ASXL2: variants seen among roughly 807,000 people sequenced by gnomAD.
ASXL2 encodes ASXL transcriptional regulator 2, also known as putative Polycomb group protein ASXL2.
A neutral mutation model predicts 122.0 loss-of-function variants in ASXL2; 23 were observed. The observed-to-expected ratio is 0.19, with a 90% CI of 0.14 to 0.27. ASXL2 has a LOEUF of 0.27. Ranked by LOEUF, ASXL2 falls within the 10% of genes least tolerant of loss-of-function variation. The pLI is 1.00. For synonymous variants in ASXL2, 650 were observed against 637.0 expected, an observed-to-expected ratio of 1.02 and a Z score of -0.31; for missense variants, 1,518 against 1,713.8, an observed-to-expected ratio of 0.89 and a Z score of 2.02.
In ASXL2 at chr2:25,737,749, T is replaced by C. The variant is rs1371267604; in HGVS notation, c.*4280A>G. Reference sequence around the variant, plus strand: ...TGAAAAATAAGAATATAGGAATACATACAATCTATATACATATATTTATTG... The same window carrying C: ...TGAAAAATAAGAATATAGGAATACACACAATCTATATACATATATTTATTG... On this transcript the variant is annotated 3_prime_UTR_variant, in exon 13 of 13. Transcript: ENST00000435504. 1.3e-5 allele frequency: 2 copies of C among 152,216 alleles called. No homozygotes were observed. The highest frequency in any genetic ancestry group is 2.4e-5 in the African/African-American group (1 of 41,456). 9.4% of individuals were successfully genotyped at this position (152,216 alleles called of 1,614,324 possible). A position where few individuals can be genotyped will look rare whatever the true frequency, so the allele number is the denominator to read the frequency against.
intron 4 of ASXL2, among the ~76,000 whole-genome samples, chr2:25,805,477 T>C (rs1405142168): frequency 6.6e-6 from 1 of 151,868 alleles, no homozygotes. Flanking sequence ...TCCTGTCTTT[T>C]TGTACTTATC....
Position 25,741,154 on chromosome 2 carries a change from G to A in ASXL2, c.*875C>T, listed in dbSNP as rs1008473833. 1.4e-5 allele frequency: 3 copies of A among 214,656 alleles called. No homozygotes were observed. The highest frequency in any genetic ancestry group is 1.9e-5 in the Non-Finnish European group (2 of 106,432). 13.3% of individuals were successfully genotyped at this position (214,656 alleles called of 1,614,324 possible). Reference sequence around the variant, plus strand: ...ACACTTTCCTGTTCATTTTATATGAGTATTTCAAAATTGTTAGTTACCACG... The same window carrying A: ...ACACTTTCCTGTTCATTTTATATGAATATTTCAAAATTGTTAGTTACCACG... On this transcript the variant is annotated 3_prime_UTR_variant, in exon 13 of 13. Coordinates refer to ENST00000435504, the MANE Select transcript of ASXL2 (RefSeq NM_018263.6).
At chr2:25,810,167 GTTATGGTCC>G in intron 3 of ASXL2, 1 of 570,574 alleles carries the variant, frequency 1.8e-6, no homozygotes, top group Non-Finnish European at 3.4e-6. Context: ...GACACTTCAG[GTTATGGTCC>G]ATCAGTCTCA....
At position 25,742,930 on chromosome 2, in the gene ASXL2, T is replaced by G. The variant is rs745724932; in HGVS notation, c.3407A>C (p.Glu1136Ala). The stretch of plus-strand genomic sequence containing the variant: ...TACAGAATGGGTCCTCCTAAAGCTC[T>G]CTGAGCCCCGGCCGTAGGTAGAAAT... The part of the protein sequence containing the change: ...LNISTYGRGS[E>A]SFRRTHSVNP... Residue 1136 changes from glutamate to alanine, a missense_variant, in exon 13 of 13, where the codon GAG becomes GCG. Physicochemically the swap from Glu to Ala is moderately radical, Grantham distance 107. Coordinates refer to ENST00000435504, the MANE Select transcript of ASXL2 (RefSeq NM_018263.6). 1 of 1,614,008 alleles carries G rather than the reference T, an allele frequency of 6.2e-7. No individual in the cohort carries two copies. The highest frequency in any genetic ancestry group is 1.1e-5 in the South Asian group (1 of 91,086).
intron 11 of ASXL2, among the ~76,000 whole-genome samples, chr2:25,752,341 G>T (rs922127954): frequency 6.6e-6 from 1 of 151,998 alleles, no homozygotes; most frequent in African/African-American, 2.4e-5. Context: ...TCTTTTGTTG[G>T]GGGGGAAAAA....
At chr2:25,810,231 C>T (rs1023883193) in intron 3 of ASXL2, 4 of 609,716 alleles carry the variant, frequency 6.6e-6, no homozygotes, top group South Asian at 2.8e-5. Flanking sequence ...CAGCTCAGCT[C>T]GTTCCTCTGT....
chr2:25,795,093 A>G (rs1356879397), intron 5 of ASXL2, among the ~76,000 whole-genome samples: 1 of 152,174 alleles, frequency 6.6e-6, no homozygotes, highest in Non-Finnish European at 1.5e-5. Flanking sequence ...AGAATATCAG[A>G]GCTGCTTAAA....
At position 25,738,435 on chromosome 2, in the gene ASXL2, C is replaced by T. The variant is rs2087771955; in HGVS notation, c.*3594G>A. The T allele has an allele frequency of 6.6e-6, 1 of 152,162 alleles. No homozygotes were observed. Among genetic ancestry groups the T allele is most frequent in the African/African-American group, 2.4e-5 (1 of 41,426 alleles). The allele number at this position is 152,162 out of a possible 1,614,324, so 9.4% of individuals were successfully genotyped here. On this transcript the variant is annotated 3_prime_UTR_variant, in exon 13 of 13. Coordinates refer to ENST00000435504, the MANE Select transcript of ASXL2 (RefSeq NM_018263.6). Reference sequence around the variant, plus strand: ...ACTATTCTATAAATTGAGCTGAAAACTACCCTTGGCCAAGTTACTTACTTA... The same window carrying T: ...ACTATTCTATAAATTGAGCTGAAAATTACCCTTGGCCAAGTTACTTACTTA...
intron 10 of ASXL2, among the ~76,000 whole-genome samples, chr2:25,755,224 G>GAAAC (rs150883854): frequency 6.6e-6 from 1 of 152,138 alleles, no homozygotes; most frequent in Non-Finnish European, 1.5e-5. Flanking sequence ...GGAAAACTTT[G>GAAAC]AAACAAACAA....
Position 25,744,137 on chromosome 2 carries a change from T to C in ASXL2, c.2200A>G (p.Thr734Ala), listed in dbSNP as rs1387746921. The C allele has an allele frequency of 1.9e-6, 3 of 1,614,004 alleles. No homozygotes were observed. Among genetic ancestry groups the C allele is most frequent in the Non-Finnish European group, 2.5e-6 (3 of 1,179,876 alleles). The change falls in exon 13 of 13, where the codon ACT becomes GCT. Residue 734 changes from threonine to alanine, a missense_variant. By Grantham distance (58) the Thr-to-Ala change is moderately conservative (BLOSUM62 0). Around this residue, in one of 8 missense-constraint regions of ASXL2, gnomAD observed 831 missense variants for 833.1 expected, o/e 1.00. Coordinates refer to ENST00000435504, the MANE Select transcript of ASXL2 (RefSeq NM_018263.6). The surrounding 1 kb of genome is among the most constrained non-coding windows in gnomAD (Gnocchi z 4.7). ...GKGPTLELAG[T>A]GSRGGTRELL... The stretch of plus-strand genomic sequence containing the variant: ...TCTCTCGTACCTCCCCTGCTTCCAG[T>C]TCCTGCCAGTTCCAGTGTGGGGCCC...
At chr2:25,828,841 A>AC (rs1447630736) in intron 3 of ASXL2, among the ~76,000 whole-genome samples, 302 of 151,346 alleles carry the variant, frequency 2.0e-3, no homozygotes, top group Non-Finnish European at 3.7e-3. Context: ...AAAAAAAAAA[A>AC]AAAAAAACAA....
In ASXL2 at chr2:25,742,752, C is replaced by T; in HGVS notation, c.3585G>A (p.Val1195=). The change falls in exon 13 of 13, where the codon GTG becomes GTA. Residue 1195 remains valine (V), a synonymous_variant. Coordinates refer to ENST00000435504, the MANE Select transcript of ASXL2 (RefSeq NM_018263.6). ...TCTGGGAAACCTGGGGCTCCTCTTT[C>T]ACTGTGACAGATTCCTGCTCATCAC... is the stretch of plus-strand genomic sequence containing the variant. The part of the protein sequence containing the change: ...STGDEQESVT[V]KEEPQVSQSA... 1 of 1,613,998 alleles carries T rather than the reference C, an allele frequency of 6.2e-7. No individual in the cohort carries two copies. The highest frequency in any genetic ancestry group is 8.5e-7 in the Non-Finnish European group (1 of 1,179,894).
At chr2:25,813,874 C>A (rs13015495) in intron 3 of ASXL2, among the ~76,000 whole-genome samples, 5,145 of 152,124 alleles carry the variant, frequency 0.034, 124 homozygotes, top group Non-Finnish European at 0.043. Context: ...CACGGTGAAA[C>A]CCTGACTCTA....
intron 1 of ASXL2, among the ~76,000 whole-genome samples, chr2:25,870,673 C>T (rs1230889382): frequency 6.6e-6 from 1 of 151,336 alleles, no homozygotes; most frequent in Non-Finnish European, 1.5e-5. Context: ...GACCCCACCT[C>T]AAAAAAGAAA....
At chr2:25,767,012 A>G (rs186036132) in intron 8 of ASXL2, among the ~76,000 whole-genome samples, 40 of 152,222 alleles carry the variant, frequency 2.6e-4, no homozygotes, top group South Asian at 6.2e-4. Context: ...TCAGTGAAAA[A>G]TTCTATCCAG....
At chr2:25,800,635 A>G (rs1041274472) in intron 4 of ASXL2, among the ~76,000 whole-genome samples, 10 of 152,204 alleles carry the variant, frequency 6.6e-5, no homozygotes, top group African/African-American at 2.4e-4. Flanking sequence ...ATATAATAAC[A>G]GGATAGTTCC....
At chr2:25,752,052 G>A (rs2088055651) in intron 11 of ASXL2, among the ~76,000 whole-genome samples, 1 of 152,154 alleles carries the variant, frequency 6.6e-6, no homozygotes, top group African/African-American at 2.4e-5. Context: ...GATTACAGGT[G>A]TGAGCCACCG....
chr2:25,798,677 T>C (rs2088947356), intron 5 of ASXL2, among the ~76,000 whole-genome samples: 1 of 152,014 alleles, frequency 6.6e-6, no homozygotes, highest in African/African-American at 2.4e-5. Context: ...GTCAGGGTAA[T>C]TGCTTGAACC....
chr2:25,748,189 A>T (rs2149139725), intron 12 of ASXL2, among the ~76,000 whole-genome samples: 1 of 150,464 alleles, frequency 6.6e-6, no homozygotes, highest in Admixed American at 6.6e-5. Context: ...GGGGGCAAAA[A>T]ACAAGCAATG....
Sources: allele counts gnomAD v4.1 joint callset (sites outside exome capture counted in the v4.1 genomes callset), GRCh38; gene constraint gnomAD v4.1.1; regional missense constraint gnomAD v4.1.1; non-coding constraint Gnocchi (gnomAD v3.1); transcripts MANE v1.5; gene names NCBI Gene and HGNC (gene_info 2026-07-23, HGNC 2026-07-21).